BTBD9: variants seen among roughly 807,000 people sequenced by gnomAD.
BTBD9 encodes the protein BTB domain containing 9.
A neutral mutation model predicts 64.3 loss-of-function variants in BTBD9; 49 were observed. The observed-to-expected ratio is 0.76, with a 90% CI of 0.61 to 0.97. BTBD9 has a LOEUF of 0.97. Among genes scored for constraint, BTBD9 ranks in the 50% least tolerant of loss-of-function variants. The pLI is 0.00. For synonymous variants in BTBD9, 260 were observed against 274.7 expected (o/e 0.95, Z 0.53); for missense variants, 598 against 762.1 (o/e 0.78, Z 2.53).
intron 6 of BTBD9, among the ~76,000 whole-genome samples, chr6:38,381,828 C>T (rs953519703): frequency 7.9e-5 from 12 of 151,660 alleles, no homozygotes; most frequent in East Asian, 1.9e-4. Flanking sequence ...AACACACGTA[C>T]GACTGCAATC....
rs142199976 is a variant in BTBD9, at chr6:38,458,138, T to C, written c.1155-113045A>G. On this transcript the variant is annotated intron_variant, in intron 6 of 10. Coordinates refer to ENST00000481247, the MANE Select transcript of BTBD9 (RefSeq NM_001099272.2). Reference sequence around the variant, plus strand: ...CAAAACAGCAGATTATTGTTTCCTATAACACGATTGGAAAAAAACAAAACA... The same window carrying C: ...CAAAACAGCAGATTATTGTTTCCTACAACACGATTGGAAAAAAACAAAACA... Among the ~76,000 whole-genome samples the C allele has an allele frequency of 9.4e-3, 1,429 of 152,276 alleles. 22 individuals are homozygous for C. The highest frequency in any genetic ancestry group is 0.012 in the Non-Finnish European group (838 of 68,022).
At chr6:38,266,940 G>A (rs980390346) in intron 8 of BTBD9, among the ~76,000 whole-genome samples, 1 of 152,194 alleles carries the variant, frequency 6.6e-6, no homozygotes, top group Non-Finnish European at 1.5e-5. Context: ...AGCTTTTACG[G>A]ATCTTCCCCC....
At chr6:38,228,568 G>A (rs533438734) in intron 9 of BTBD9, among the ~76,000 whole-genome samples, 4 of 149,956 alleles carry the variant, frequency 2.7e-5, no homozygotes, top group Admixed American at 6.7e-5. Flanking sequence ...AACCTAAAAC[G>A]GCTCTTAAAA....
intron 7 of BTBD9, among the ~76,000 whole-genome samples, chr6:38,306,100 T>C (rs1762612787): frequency 1.3e-5 from 2 of 152,252 alleles, no homozygotes; most frequent in South Asian, 4.1e-4. Context: ...GGTTCCACAC[T>C]GTTTTTCTTC....
chr6:38,305,617 G>A (rs1309788309), intron 7 of BTBD9, among the ~76,000 whole-genome samples: 1 of 152,120 alleles, frequency 6.6e-6, no homozygotes, highest in African/African-American at 2.4e-5. Context: ...GAGTAGCTGG[G>A]ACTACAGATG....
At chr6:38,635,939 C>A (rs911503035) in intron 1 of BTBD9, among the ~76,000 whole-genome samples, 18 of 152,148 alleles carry the variant, frequency 1.2e-4, no homozygotes, top group African/African-American at 3.4e-4. Context: ...AAGTTCCATT[C>A]ACCATCTTTT....
intron 6 of BTBD9, among the ~76,000 whole-genome samples, chr6:38,548,751 T>C (rs928740115): frequency 1.3e-5 from 2 of 152,240 alleles, no homozygotes; most frequent in Non-Finnish European, 2.9e-5. Flanking sequence ...TCAATATGTT[T>C]AGGCCAAGAG....
chr6:38,507,053 C>T (rs1182807447), intron 6 of BTBD9, among the ~76,000 whole-genome samples: 1 of 152,168 alleles, frequency 6.6e-6, no homozygotes, highest in Admixed American at 6.5e-5. Context: ...ATCCTCTTTC[C>T]TAGGCTCTTC....
At chr6:38,543,861 G>A (rs1441563192) in intron 6 of BTBD9, among the ~76,000 whole-genome samples, 2 of 151,748 alleles carry the variant, frequency 1.3e-5, no homozygotes, top group African/African-American at 4.8e-5. Context: ...GGAGGCTGAG[G>A]CAGGAGAATG....
intron 7 of BTBD9, among the ~76,000 whole-genome samples, chr6:38,327,736 T>A (rs1175032114): frequency 2.6e-5 from 4 of 152,244 alleles, no homozygotes; most frequent in Non-Finnish European, 5.9e-5. Flanking sequence ...GATCTGTAGA[T>A]CTGCTTTCGT....
intron 9 of BTBD9, among the ~76,000 whole-genome samples, chr6:38,207,882 A>T (rs140127692): frequency 4.1e-4 from 62 of 152,190 alleles, no homozygotes; most frequent in Admixed American, 2.0e-3. Flanking sequence ...CGAGAATGGG[A>T]CTTGGGGTAG....
At chr6:38,266,385 C>T (rs1248236000) in intron 8 of BTBD9, among the ~76,000 whole-genome samples, 1 of 151,982 alleles carries the variant, frequency 6.6e-6, no homozygotes, top group East Asian at 1.9e-4. Flanking sequence ...CCAGCCTGGG[C>T]AACATGGGGA....
intron 6 of BTBD9, among the ~76,000 whole-genome samples, chr6:38,536,884 T>G (rs1774043619): frequency 6.6e-6 from 1 of 152,018 alleles, no homozygotes; most frequent in Admixed American, 6.6e-5. Context: ...TTAGATAGAA[T>G]GAATAAGATC....
At chr6:38,477,562 C>A (rs11758664) in intron 6 of BTBD9, among the ~76,000 whole-genome samples, 1 of 152,134 alleles carries the variant, frequency 6.6e-6, no homozygotes, top group African/African-American at 2.4e-5. Context: ...TATATCCATA[C>A]CTTTTAGATA....
chr6:38,610,030 C>T (rs549359517), intron 1 of BTBD9, among the ~76,000 whole-genome samples: 1 of 152,124 alleles, frequency 6.6e-6, no homozygotes, highest in African/African-American at 2.4e-5. Context: ...ACTTTATAAG[C>T]AGAATACTGT....
chr6:38,196,257 C>T (rs571375047), intron 9 of BTBD9, among the ~76,000 whole-genome samples: 1 of 152,292 alleles, frequency 6.6e-6, no homozygotes, highest in Admixed American at 6.5e-5. Flanking sequence ...CCTCTCTAGG[C>T]TGCAGTCTCT....
At chr6:38,435,369 C>T (rs941085820) in intron 6 of BTBD9, among the ~76,000 whole-genome samples, 4 of 149,894 alleles carry the variant, frequency 2.7e-5, no homozygotes, top group African/African-American at 9.9e-5. Context: ...GGTGTGGTGG[C>T]GGTGCCTGTA....
intron 6 of BTBD9, among the ~76,000 whole-genome samples, chr6:38,417,313 T>G (rs1329021680): frequency 6.6e-6 from 1 of 152,218 alleles, no homozygotes; most frequent in Non-Finnish European, 1.5e-5. Context: ...ACAAGTCAGG[T>G]GTCTCCCACT....
chr6:38,477,099 C>T (rs1305218872), intron 6 of BTBD9, among the ~76,000 whole-genome samples: 1 of 152,170 alleles, frequency 6.6e-6, no homozygotes, highest in Middle Eastern at 3.2e-3. Flanking sequence ...AGACAGATGT[C>T]TATCCTAAAA....
Sources: allele counts gnomAD v4.1 joint callset (sites outside exome capture counted in the v4.1 genomes callset), GRCh38; gene constraint gnomAD v4.1.1; transcripts MANE v1.5; gene names NCBI Gene and HGNC (gene_info 2026-07-23, HGNC 2026-07-21).